Variants in ZNF445 observed in about 807,000 individuals in gnomAD.
The protein encoded by ZNF445 is zinc finger protein 168.
A neutral mutation model predicts 93.9 loss-of-function variants in ZNF445; 19 were observed. The observed-to-expected ratio is 0.20, with a 90% CI of 0.14 to 0.30. The LOEUF (loss-of-function observed/expected upper bound fraction) is 0.30. Among genes scored for constraint, ZNF445 ranks in the 10% least tolerant of loss-of-function variants. The probability of loss-of-function intolerance (pLI) is 1.00; values close to 1 mark genes in which losing one functional copy is unlikely to be tolerated. For synonymous variants in ZNF445, 449 were observed against 446.3 expected (o/e 1.01, Z -0.08); for missense variants, 1,058 against 1,259.4 (o/e 0.84, Z 2.42).
intron 1 of ZNF445, among the ~76,000 whole-genome samples, chr3:44,464,564 T>C (rs184967465): frequency 2.0e-5 from 3 of 152,314 alleles, no homozygotes; most frequent in African/African-American, 4.8e-5. Flanking sequence ...ACTGATAAAA[T>C]AAAATGTCTT....
At chr3:44,451,220 A>T in intron 4 of ZNF445, 94 bp downstream of exon 4, 2 of 1,455,568 alleles carry the variant, frequency 1.4e-6, no homozygotes, top group South Asian at 2.5e-5. Context: ...ACAGAAGGAG[A>T]TTCTCATGAG....
At chr3:44,464,557 GATAAA>G (rs1384215660) in intron 1 of ZNF445, among the ~76,000 whole-genome samples, 2 of 152,128 alleles carry the variant, frequency 1.3e-5, no homozygotes, top group African/African-American at 4.8e-5. Flanking sequence ...TTTAAAGACT[GATAAA>G]ATAAAATGTC....
chr3:44,447,258 G>A lies in ZNF445; in HGVS notation c.2413C>T (p.Leu805Phe). The change falls in exon 8 of 8, where the codon CTC (leucine) becomes TTC (phenylalanine). Residue 805 changes from leucine to phenylalanine, a missense_variant. This residue lies in a region of ZNF445 where 387 missense variants were observed against 475.7 expected (regional missense o/e 0.81). Coordinates refer to ENST00000396077, the MANE Select transcript of ZNF445 (RefSeq NM_181489.6). This position sits in a 1 kb window ranked among gnomAD's most constrained non-coding sequence, Gnocchi z 4.7. The part of the protein sequence containing the change: ...CGKAFRWSSN[L>F]YRHQRIHSLQ... ...GAGTGAATCCTCTGATGTCGGTAGA[G>A]ATTGGAACTCCATCTGAAGGCTTTC... 1.2e-6 allele frequency: 2 copies of A among 1,614,160 alleles called. No individual in the cohort carries two copies. Among genetic ancestry groups the A allele is most frequent in the Non-Finnish European group, 8.5e-7 (1 of 1,180,022 alleles).
rs946074862 is a variant in ZNF445 at position 44,436,591 on chromosome 3, C to A, written c.*9984G>T. The A allele has an allele frequency of 6.6e-6, 1 of 152,184 alleles. No individual in the cohort carries two copies. Among genetic ancestry groups the A allele is most frequent in the Admixed American group, 6.5e-5 (1 of 15,280 alleles). The allele number at this position is 152,184 out of a possible 1,614,324, so 9.4% of individuals were successfully genotyped here. A position where few individuals can be genotyped will look rare whatever the true frequency, so the allele number is the denominator to read the frequency against. On this transcript the variant is annotated 3_prime_UTR_variant, in exon 8 of 8. Coordinates refer to ENST00000396077, the MANE Select transcript of ZNF445 (RefSeq NM_181489.6). ...TTTACATATCTTCCTCTACAGTATACCAACGAAGTTCTCGCATTTCAACTC... is the reference window on the plus strand; with the variant it reads ...TTTACATATCTTCCTCTACAGTATAACAACGAAGTTCTCGCATTTCAACTC...
In ZNF445 at chr3:44,440,460, T is replaced by C. The variant is rs1375613871; in HGVS notation, c.*6115A>G. On this transcript the variant is annotated 3_prime_UTR_variant, in exon 8 of 8. Coordinates refer to ENST00000396077, the MANE Select transcript of ZNF445 (RefSeq NM_181489.6). ...GCAAGGAGGAGCTTATAATTTCCTA[T>C]AAAGTGCATGTCTTGGTGACTGTGC... 6.6e-6 allele frequency: 1 copy of C among 152,220 alleles called. No homozygotes were observed. The highest frequency in any genetic ancestry group is 1.5e-5 in the Non-Finnish European group (1 of 68,036). 9.4% of individuals were successfully genotyped at this position (152,220 alleles called of 1,614,324 possible).
At chr3:44,453,276 T>C (rs1260623811) in intron 3 of ZNF445, among the ~76,000 whole-genome samples, 1 of 151,934 alleles carries the variant, frequency 6.6e-6, no homozygotes, top group African/African-American at 2.4e-5. Context: ...TATGAAAGTG[T>C]ATGTCTATAT....
Position 44,449,593 on chromosome 3 carries a change from G to A in ZNF445, c.851C>T (p.Ser284Phe), listed in dbSNP as rs1697930149. ...VGPFTKPALI[S>F]WLEAREPWGL... is the part of the protein sequence containing the mutation. ...CCATGGCTCCCTTGCTTCCAACCAG[G>A]AGATCAGAGCAGGTTTGGTGAATGG... The change falls in exon 7 of 8, where the codon TCC becomes TTC. Residue 284 changes from serine to phenylalanine, a missense_variant. This residue lies in a region of ZNF445 where 657 missense variants were observed against 746.4 expected (regional missense o/e 0.88). Transcript: ENST00000396077. 1.2e-6 allele frequency: 2 copies of A among 1,614,096 alleles called. No homozygotes were observed. The highest frequency in any genetic ancestry group is 1.7e-6 in the Non-Finnish European group (2 of 1,180,000).
rs776786940 is a variant in ZNF445, at chr3:44,450,576, G to GA, written c.694-4dup. The GA allele has an allele frequency of 4.0e-5, 64 of 1,612,662 alleles. No homozygotes were observed. The highest frequency in any genetic ancestry group is 5.2e-5 in the Non-Finnish European group (61 of 1,179,536). On this transcript the variant is annotated splice_region_variant and splice_polypyrimidine_tract_variant and intron_variant, in intron 5 of 7. Coordinates refer to ENST00000396077, the MANE Select transcript of ZNF445 (RefSeq NM_181489.6). Reference sequence around the variant, plus strand: ...ACATCCTTGAAAGTCATGGTCTCCTGAAAAAACACTGTGCCCTAGAGCTGG... The same window carrying GA: ...ACATCCTTGAAAGTCATGGTCTCCTGAAAAAAACACTGTGCCCTAGAGCTGG...
intron 1 of ZNF445, among the ~76,000 whole-genome samples, chr3:44,467,696 T>C (rs1698213542): frequency 6.6e-6 from 1 of 152,174 alleles, no homozygotes; most frequent in Admixed American, 6.5e-5. Context: ...AAATAATTAT[T>C]CTTGCTGCAC....
chr3:44,451,103 C>A, intron 4 of ZNF445, 141 bp from the exon 5 acceptor site: 2 of 993,902 alleles, frequency 2.0e-6, no homozygotes, highest in Non-Finnish European at 3.0e-6. Context: ...TGTCCTCAGT[C>A]TACTGGGGCC....
intron 1 of ZNF445, among the ~76,000 whole-genome samples, chr3:44,461,840 G>C (rs1698118347): frequency 6.6e-6 from 1 of 152,216 alleles, no homozygotes; most frequent in African/African-American, 2.4e-5. Flanking sequence ...AGGAAAGAGT[G>C]ACTTTCTCTT....
chr3:44,466,856 A>T (rs1698202968), intron 1 of ZNF445, among the ~76,000 whole-genome samples: 1 of 152,250 alleles, frequency 6.6e-6, no homozygotes, highest in Non-Finnish European at 1.5e-5. Context: ...AAACTTCTAT[A>T]ATGTTGACAT....
chr3:44,457,468 A>G (rs944991363), intron 2 of ZNF445, among the ~76,000 whole-genome samples: 1 of 152,036 alleles, frequency 6.6e-6, no homozygotes. Flanking sequence ...GATGAGGCCT[A>G]TGTTACCTCA....
At chr3:44,457,192 A>G (rs1698040006) in intron 2 of ZNF445, among the ~76,000 whole-genome samples, 1 of 152,212 alleles carries the variant, frequency 6.6e-6, no homozygotes, top group Non-Finnish European at 1.5e-5. Context: ...TTGTTTCTTC[A>G]TACCTGGGGA....
intron 1 of ZNF445, among the ~76,000 whole-genome samples, chr3:44,464,451 G>A (rs1161239658): frequency 2.0e-5 from 3 of 152,122 alleles, no homozygotes; most frequent in African/African-American, 4.8e-5. Context: ...GATTGGCTTA[G>A]GAAAGTAAAC....
Position 44,447,383 on chromosome 3 carries a change from T to C in ZNF445, c.2288A>G (p.Lys763Arg). The C allele has an allele frequency of 6.2e-7, 1 of 1,614,156 alleles. No individual in the cohort carries two copies. Among genetic ancestry groups the C allele is most frequent in the Non-Finnish European group, 8.5e-7 (1 of 1,180,018 alleles). Reference sequence around the variant, plus strand: ...GAAGGCCTTGCCACACTGGCTGCATTTGTAGGGCTCCTCTTTGGAGTGACT... The same window carrying C: ...GAAGGCCTTGCCACACTGGCTGCATCTGTAGGGCTCCTCTTTGGAGTGACT... Reference protein sequence around the residue: ...QSSHSKEEPYKCSQCGKAFRN... With the variant: ...QSSHSKEEPYRCSQCGKAFRN... The change falls in exon 8 of 8, where the codon AAA becomes AGA. Residue 763 changes from lysine (K) to arginine (R), a missense_variant. Transcript: ENST00000396077. This position sits in a 1 kb window ranked among gnomAD's most constrained non-coding sequence, Gnocchi z 4.7.
At chr3:44,451,145 G>A (rs1466591108) in intron 4 of ZNF445, among the ~76,000 whole-genome samples, 169 bp downstream of exon 4, 1 of 152,130 alleles carries the variant, frequency 6.6e-6, no homozygotes, top group Non-Finnish European at 1.5e-5. Context: ...GGGGTGTAAT[G>A]GGGGAGGAGC....
Position 44,455,593 on chromosome 3 carries a change from AC to A in ZNF445, c.-45del. 1 of 1,513,700 alleles carries A rather than the reference AC, an allele frequency of 6.6e-7. No individual in the cohort carries two copies. The highest frequency in any genetic ancestry group is 8.9e-7 in the Non-Finnish European group (1 of 1,129,784). 93.8% of individuals were successfully genotyped at this position (1,513,700 alleles called of 1,614,324 possible). ...AACCAGAAGAGTGCGAACCAAGTCCACCTTAGACGTGGGTCCTCAGAAGTAT... is the reference window on the plus strand; with the variant it reads ...AACCAGAAGAGTGCGAACCAAGTCCACTTAGACGTGGGTCCTCAGAAGTAT... On this transcript the variant is annotated 5_prime_UTR_variant, in exon 3 of 8. Transcript: ENST00000396077.
rs1176277281 is a variant in ZNF445 at position 44,461,112 on chromosome 3, T to C, written c.-268-2748A>G. Among the ~76,000 whole-genome samples, 5 of 152,270 alleles carry C rather than the reference T, an allele frequency of 3.3e-5. No individual in the cohort carries two copies. In the East Asian group the frequency reaches 5.8e-4, roughly 18 times the overall value. ...GTCTGTCTGTAGCCCCACTGCAGAG[T>C]GTCTGCATTGGTGAGTATCCTAGGC... On this transcript the variant is annotated intron_variant, in intron 1 of 7. Transcript: ENST00000396077.
Sources: gnomAD v4.1 joint callset for allele counts (sites outside exome capture counted in the v4.1 genomes callset) on GRCh38, gnomAD v4.1.1 for gene constraint, gnomAD v4.1.1 regional missense constraint, Gnocchi (gnomAD v3.1) non-coding constraint, MANE v1.5 for transcripts, NCBI Gene and HGNC (gene_info 2026-07-23, HGNC 2026-07-21) for gene names.